The following IMMT variants were observed in gnomAD, a reference collection of about 807,000 sequenced individuals.
IMMT encodes the protein MICOS complex subunit MIC60.
Under a neutral mutation model 92.7 loss-of-function variants are expected in IMMT, and 40 were observed. The observed-to-expected ratio is 0.43, with a 90% CI of 0.34 to 0.56. IMMT has a LOEUF of 0.56. IMMT is among the 20% of genes least tolerant of loss of function. The pLI, the probability that IMMT is intolerant of heterozygous loss-of-function variation, is 0.03. For missense variants in IMMT, 831 were observed against 912.1 expected, an observed-to-expected ratio of 0.91 and a Z score of 1.14; for synonymous variants, 322 against 336.1, an observed-to-expected ratio of 0.96 and a Z score of 0.46.
intron 13 of IMMT, among the ~76,000 whole-genome samples, chr2:86,146,765 T>G (rs894498150): frequency 6.6e-6 from 1 of 151,908 alleles, no homozygotes; most frequent in Non-Finnish European, 1.5e-5. Flanking sequence ...AACTGCCAAC[T>G]GTATTTTATT....
intron 3 of IMMT, among the ~76,000 whole-genome samples, chr2:86,177,661 G>A (rs1277923676): frequency 4.6e-5 from 7 of 152,002 alleles, no homozygotes; most frequent in African/African-American, 4.8e-5. Context: ...TACACACAAA[G>A]TTACAGGAAT....
At chr2:86,145,603 C>CA (rs1179494744) in intron 14 of IMMT, among the ~76,000 whole-genome samples, 1 of 149,738 alleles carries the variant, frequency 6.7e-6, no homozygotes, top group East Asian at 2.0e-4. Flanking sequence ...TGTTATGTGA[C>CA]AAAAAAAGAT....
intron 1 of IMMT, among the ~76,000 whole-genome samples, chr2:86,183,486 T>C (rs1402170900): frequency 6.6e-6 from 1 of 152,176 alleles, no homozygotes; most frequent in East Asian, 1.9e-4. Flanking sequence ...TATTTTCTTT[T>C]ATCTTGACTC....
chr2:86,170,352 G>A (rs1459171659), intron 6 of IMMT, among the ~76,000 whole-genome samples: 1 of 152,200 alleles, frequency 6.6e-6, no homozygotes, highest in Non-Finnish European at 1.5e-5. Flanking sequence ...CTGGGAGGTT[G>A]AGGCTGCAGT....
intron 1 of IMMT, among the ~76,000 whole-genome samples, chr2:86,191,579 G>A (rs1220025669): frequency 2.0e-5 from 3 of 151,930 alleles, no homozygotes; most frequent in African/African-American, 4.8e-5. Context: ...GGACTTGCCA[G>A]TCTCCATAAC....
In IMMT at chr2:86,172,110, C is replaced by T. The variant is rs182859802; in HGVS notation, c.422-765G>A. Among the ~76,000 whole-genome samples, 453 of 151,720 alleles carry T rather than the reference C, an allele frequency of 3.0e-3. 1 individual carries two copies. Among genetic ancestry groups the T allele is most frequent in the Middle Eastern group, 0.017 (5 of 294 alleles). ...CCTCTGGCACACAGCTGGGACTATA[C>T]GTGTATACCACCACACCTGGCTGAT... On this transcript the variant is annotated intron_variant, in intron 4 of 14. Transcript: ENST00000410111.
intron 12 of IMMT, among the ~76,000 whole-genome samples, chr2:86,149,471 G>C (rs187720310): frequency 6.6e-6 from 1 of 152,124 alleles, no homozygotes; most frequent in Non-Finnish European, 1.5e-5. Flanking sequence ...TGTCTGATTC[G>C]ACTATGTTTT....
intron 14 of IMMT, among the ~76,000 whole-genome samples, chr2:86,145,340 C>A (rs149495740): frequency 0.022 from 3,299 of 151,830 alleles, 45 homozygotes; most frequent in Middle Eastern, 0.037. Flanking sequence ...ACTAAAAATA[C>A]AAAACCTAGC....
At chr2:86,166,817 A>G (rs1676708966) in intron 6 of IMMT, among the ~76,000 whole-genome samples, 173 bp from the exon 7 acceptor site, 1 of 152,088 alleles carries the variant, frequency 6.6e-6, no homozygotes. Flanking sequence ...AGTATGGTAA[A>G]GGCCGGGCGC....
intron 12 of IMMT, 61 bp from the exon 13 acceptor site, chr2:86,147,894 C>A: frequency 6.5e-7 from 1 of 1,535,122 alleles, no homozygotes. Context: ...TTTAGGAAAA[C>A]AGAAAGACCA....
intron 1 of IMMT, among the ~76,000 whole-genome samples, chr2:86,187,405 T>C (rs772902994): frequency 6.6e-6 from 1 of 152,236 alleles, no homozygotes; most frequent in African/African-American, 2.4e-5. Flanking sequence ...CTTCATTCCT[T>C]TTTATGGCTG....
intron 1 of IMMT, among the ~76,000 whole-genome samples, chr2:86,189,047 T>C (rs1672965388): frequency 6.6e-6 from 1 of 152,162 alleles, no homozygotes; most frequent in Admixed American, 6.5e-5. Context: ...ATATCCTACA[T>C]TAACACACAA....
In IMMT at chr2:86,162,033, G is replaced by A. The variant is rs1246317663; in HGVS notation, c.839C>T (p.Ala280Val). 6.2e-7 allele frequency: 1 copy of A among 1,607,726 alleles called. No homozygotes were observed. Among genetic ancestry groups the A allele is most frequent in the South Asian group, 1.1e-5 (1 of 89,826 alleles). Reference sequence around the variant, plus strand: ...TACTGCCTTTCTGCGTTCCTTCAATGCACCCTCCACTGTGCGCCACTGAGC... The same window carrying A: ...TACTGCCTTTCTGCGTTCCTTCAATACACCCTCCACTGTGCGCCACTGAGC... ...KSAQWRTVEGALKERRKAVDE... is the reference protein window; with the variant it reads ...KSAQWRTVEGVLKERRKAVDE... Residue 280 changes from alanine to valine, a missense_variant, in exon 8 of 15, where the codon GCA becomes GTA. Coordinates refer to ENST00000410111, the MANE Select transcript of IMMT (RefSeq NM_006839.3).
intron 1 of IMMT, among the ~76,000 whole-genome samples, chr2:86,193,333 G>A (rs1237880786): frequency 6.6e-6 from 1 of 151,472 alleles, no homozygotes; most frequent in Admixed American, 6.6e-5. Context: ...CTTGCGCTCA[G>A]GAGGTCAAGG....
intron 1 of IMMT, among the ~76,000 whole-genome samples, chr2:86,182,661 A>G (rs1474395834): frequency 6.6e-6 from 1 of 152,164 alleles, no homozygotes; most frequent in Admixed American, 6.5e-5. Context: ...CCTTGGCAAC[A>G]TGGCAAAACT....
In IMMT at chr2:86,149,879, C is replaced by CAAA. The variant is rs548731236; in HGVS notation, c.1401+1415_1401+1417dup. The stretch of plus-strand genomic sequence containing the variant: ...TGGGCCACAAAGACAGACTCTGTCT[C>CAAA]AAAAAAAAAAAAAAAAAAAGAAAGA... On this transcript the variant is annotated intron_variant, in intron 12 of 14. Coordinates refer to ENST00000410111, the MANE Select transcript of IMMT (RefSeq NM_006839.3). Among the ~76,000 whole-genome samples the CAAA allele has an allele frequency of 2.9e-4, 35 of 121,394 alleles. No homozygotes were observed. In the East Asian group the frequency reaches 7.3e-3, roughly 25 times the overall value. The allele number at this position is 121,394 out of a possible 152,430, so 79.6% of individuals were successfully genotyped here.
chr2:86,193,965 C>A (rs1315637747), intron 1 of IMMT, among the ~76,000 whole-genome samples: 1 of 152,134 alleles, frequency 6.6e-6, no homozygotes, highest in Non-Finnish European at 1.5e-5. Context: ...AGAGGAAAGA[C>A]CAAAGTAAAA....
chr2:86,159,364 T>G, intron 9 of IMMT, 172 bp downstream of exon 9: 1 of 685,400 alleles, frequency 1.5e-6, no homozygotes, highest in South Asian at 1.5e-5. Context: ...GGATTACAGG[T>G]GTGAACCACC....
At chr2:86,145,976 G>T in intron 14 of IMMT, 92 bp downstream of exon 14, 1 of 988,732 alleles carries the variant, frequency 1.0e-6, no homozygotes, top group Non-Finnish European at 1.4e-6. Context: ...ATGTCCTGAT[G>T]TCAGTACATG....
Sources: allele counts gnomAD v4.1 joint callset (sites outside exome capture counted in the v4.1 genomes callset), GRCh38; gene constraint gnomAD v4.1.1; transcripts MANE v1.5; gene names NCBI Gene and HGNC (gene_info 2026-07-23, HGNC 2026-07-21).